The following SHISAL1 variants were observed in gnomAD, a reference collection of about 807,000 sequenced individuals.
SHISAL1 encodes protein shisa-like-1.
Under a neutral mutation model 22.6 loss-of-function variants are expected in SHISAL1, and 9 were observed. The observed-to-expected ratio is 0.40, with a 90% confidence interval of 0.24 to 0.70. The LOEUF is 0.70. Among genes scored for constraint, SHISAL1 ranks in the 30% least tolerant of loss-of-function variants. The pLI is 0.39. For synonymous variants in SHISAL1, 119 were observed against 115.4 expected, an observed-to-expected ratio of 1.03 and a Z score of -0.20; for missense variants, 246 against 270.6, an observed-to-expected ratio of 0.91 and a Z score of 0.64.
intron 4 of SHISAL1, among the ~76,000 whole-genome samples, chr22:44,260,052 C>T (rs1254501289): frequency 1.3e-5 from 2 of 152,072 alleles, no homozygotes; most frequent in African/African-American, 2.4e-5. Flanking sequence ...TAGCTCTGTC[C>T]ACCACGGCGC....
At chr22:44,285,399 C>A in intron 4 of SHISAL1, 29 bp downstream of exon 4, 3 of 1,604,072 alleles carry the variant, frequency 1.9e-6, no homozygotes, top group Non-Finnish European at 2.6e-6. Flanking sequence ...TGACCCAAAT[C>A]ATTCTGGGTC....
At chr22:44,272,611 G>C (rs1445365352) in intron 4 of SHISAL1, among the ~76,000 whole-genome samples, 2 of 152,208 alleles carry the variant, frequency 1.3e-5, no homozygotes, top group South Asian at 2.1e-4. Flanking sequence ...GTTTCCTTGG[G>C]GGGGACTAAA....
At chr22:44,262,735 C>A (rs937253320) in intron 4 of SHISAL1, among the ~76,000 whole-genome samples, 4 of 152,124 alleles carry the variant, frequency 2.6e-5, no homozygotes, top group African/African-American at 9.7e-5. Flanking sequence ...GTGGCCCTGG[C>A]GAGAGAGGAG....
chr22:44,285,374 G>A, intron 4 of SHISAL1, 54 bp downstream of exon 4: 3 of 1,559,266 alleles, frequency 1.9e-6, no homozygotes, highest in Non-Finnish European at 2.6e-6. Flanking sequence ...TATTCTCCAA[G>A]CTCTCCAAAG....
At chr22:44,320,921 A>G in the SHISAL1 span, among the ~76,000 whole-genome samples, 1 of 152,202 alleles carries the variant, frequency 6.6e-6, no homozygotes, top group African/African-American at 2.4e-5. Flanking sequence ...TTCCATACGG[A>G]AAGTGCTTTG....
At chr22:44,314,961 C>T (rs2055548753), upstream of SHISAL1, among the ~76,000 whole-genome samples, 1 of 152,172 alleles carries the variant, frequency 6.6e-6, no homozygotes, top group East Asian at 1.9e-4. Context: ...TTCTAGAAGG[C>T]TAAAAAGAAC....
chr22:44,272,547 T>C (rs1490953505), intron 4 of SHISAL1, among the ~76,000 whole-genome samples: 1 of 152,216 alleles, frequency 6.6e-6, no homozygotes, highest in Non-Finnish European at 1.5e-5. Context: ...ACACGGATTG[T>C]TCCAGAGACA....
At chr22:44,324,637 C>T in the SHISAL1 span, among the ~76,000 whole-genome samples, 1 of 152,174 alleles carries the variant, frequency 6.6e-6, no homozygotes, top group African/African-American at 2.4e-5. Context: ...AACTGAGGCT[C>T]CAGGGGTTAT....
intron 4 of SHISAL1, among the ~76,000 whole-genome samples, chr22:44,280,505 C>T (rs781403636): frequency 3.3e-5 from 5 of 152,124 alleles, no homozygotes; most frequent in Non-Finnish European, 5.9e-5. Flanking sequence ...AAGCACTAAC[C>T]GTGGTTCCCA....
At chr22:44,304,020 G>A (rs2055452621) in intron 1 of SHISAL1, among the ~76,000 whole-genome samples, 1 of 152,250 alleles carries the variant, frequency 6.6e-6, no homozygotes, top group South Asian at 2.1e-4. Flanking sequence ...TCTGAAAGAA[G>A]AGATGGTGGA....
At position 44,310,820 on chromosome 22, in the gene SHISAL1, T is replaced by C. The variant is rs756434654; in HGVS notation, c.-33+1931A>G. Among the ~76,000 whole-genome samples, 1 of 152,092 alleles carries C rather than the reference T, an allele frequency of 6.6e-6. No individual in the cohort carries two copies. Among genetic ancestry groups the C allele is most frequent in the Non-Finnish European group, 1.5e-5 (1 of 68,026 alleles). ...ACGGATTTCCCTCTGCCTTACCTGT[T>C]GGTTTACTGCTTCCCTGCCTAGTAC... On this transcript the variant is annotated intron_variant, in intron 1 of 4. Coordinates refer to ENST00000381176, the MANE Select transcript of SHISAL1 (RefSeq NM_001099294.2). The surrounding 1 kb of genome is among the most constrained non-coding windows in gnomAD (Gnocchi z 4.0).
chr22:44,285,199 G>A (rs539782365), intron 4 of SHISAL1, among the ~76,000 whole-genome samples: 2 of 152,286 alleles, frequency 1.3e-5, no homozygotes, highest in South Asian at 4.1e-4. Flanking sequence ...CAATGAGCTT[G>A]CAAGCTTTGC....
intron 1 of SHISAL1, among the ~76,000 whole-genome samples, chr22:44,301,737 C>G (rs1243594870): frequency 1.3e-5 from 2 of 152,174 alleles, no homozygotes; most frequent in African/African-American, 4.8e-5. Context: ...AGGAGGGAAA[C>G]TATGATACAT....
chr22:44,279,387 G>T (rs1601789757), intron 4 of SHISAL1, among the ~76,000 whole-genome samples: 1 of 152,196 alleles, frequency 6.6e-6, no homozygotes, highest in East Asian at 1.9e-4. Context: ...GCCAAGGAAA[G>T]AAGATATTTG....
At chr22:44,323,691 CTAT>C in the SHISAL1 span, among the ~76,000 whole-genome samples, 1 of 152,102 alleles carries the variant, frequency 6.6e-6, no homozygotes, top group African/African-American at 2.4e-5. Flanking sequence ...ATCCATCCAT[CTAT>C]CATCCCTTCA....
chr22:44,262,739 A>G (rs914389965), intron 4 of SHISAL1, among the ~76,000 whole-genome samples: 14 of 152,296 alleles, frequency 9.2e-5, no homozygotes, highest in Non-Finnish European at 1.8e-4. Flanking sequence ...CCCTGGCGAG[A>G]GAGGAGCTGA....
upstream of SHISAL1, among the ~76,000 whole-genome samples, chr22:44,314,011 C>A (rs908588219): frequency 1.3e-5 from 2 of 152,040 alleles, no homozygotes; most frequent in African/African-American, 4.8e-5. Context: ...TGCAGCCTGA[C>A]GGGGTAGGGG....
the SHISAL1 span, among the ~76,000 whole-genome samples, chr22:44,326,444 G>C: frequency 6.6e-6 from 1 of 152,108 alleles, no homozygotes; most frequent in African/African-American, 2.4e-5. Flanking sequence ...TTGCCAGGGA[G>C]GAATAATCAG....
chr22:44,316,096 T>A (rs2055556935), upstream of SHISAL1, among the ~76,000 whole-genome samples: 1 of 152,150 alleles, frequency 6.6e-6, no homozygotes, highest in Non-Finnish European at 1.5e-5. Flanking sequence ...GACATGTCAT[T>A]CTGTGACTTG....
Sources: allele counts gnomAD v4.1 joint callset (sites outside exome capture counted in the v4.1 genomes callset), GRCh38; gene constraint gnomAD v4.1.1; non-coding constraint Gnocchi (gnomAD v3.1); transcripts MANE v1.5; gene names NCBI Gene and HGNC (gene_info 2026-07-23, HGNC 2026-07-21).